The following ARHGEF37 variants were observed in gnomAD, a reference collection of about 807,000 sequenced individuals.
ARHGEF37 encodes Rho guanine nucleotide exchange factor (GEF) 37.
ARHGEF37 carries 55 observed loss-of-function variants against 71.1 expected under a neutral mutation model. That is an observed-to-expected ratio of 0.77 (90% CI 0.62 to 0.97). ARHGEF37 has a LOEUF of 0.97. Ranked by LOEUF, ARHGEF37 falls within the 50% of genes least tolerant of loss-of-function variation. The probability of loss-of-function intolerance (pLI) is 0.00; values close to 1 mark genes in which losing one functional copy is unlikely to be tolerated. For synonymous variants in ARHGEF37, 327 were observed against 350.6 expected (o/e 0.93, Z 0.75); for missense variants, 765 against 836.8 (o/e 0.91, Z 1.06).
At chr5:149,584,937 T>C (rs1209817194) in intron 1 of ARHGEF37, among the ~76,000 whole-genome samples, 4 of 152,232 alleles carry the variant, frequency 2.6e-5, no homozygotes, top group Non-Finnish European at 4.4e-5. Flanking sequence ...TATATGTTTC[T>C]ATATTGTTTA....
intron 4 of ARHGEF37, among the ~76,000 whole-genome samples, chr5:149,613,103 G>A (rs1463439358): frequency 3.9e-5 from 6 of 152,330 alleles, no homozygotes; most frequent in African/African-American, 1.2e-4. Flanking sequence ...TGATGGCTGA[G>A]GCAGCAGAGT....
chr5:149,589,622 C>G (rs1763340476), intron 1 of ARHGEF37, among the ~76,000 whole-genome samples: 1 of 152,166 alleles, frequency 6.6e-6, no homozygotes, highest in South Asian at 2.1e-4. Context: ...GCTTCAGCCC[C>G]CCGAGTAGCT....
At chr5:149,628,086 C>T (rs2113392579) in intron 11 of ARHGEF37, among the ~76,000 whole-genome samples, 1 of 152,310 alleles carries the variant, frequency 6.6e-6, no homozygotes, top group South Asian at 2.1e-4. Flanking sequence ...TGAAACAGCA[C>T]TTCCATGACT....
At chr5:149,624,582 T>C (rs150415980) in intron 10 of ARHGEF37, among the ~76,000 whole-genome samples, 2,444 of 152,308 alleles carry the variant, frequency 0.016, 72 homozygotes, top group African/African-American at 0.056. Context: ...GAGACCAGCC[T>C]GGCCAACATG....
At chr5:149,615,718 C>T (rs1752357811) in intron 4 of ARHGEF37, among the ~76,000 whole-genome samples, 1 of 151,764 alleles carries the variant, frequency 6.6e-6, no homozygotes, top group Non-Finnish European at 1.5e-5. Flanking sequence ...GGTGAAACCC[C>T]GTCTCTACTA....
chr5:149,602,439 T>TG (rs1169863887), intron 3 of ARHGEF37, among the ~76,000 whole-genome samples: 2 of 151,972 alleles, frequency 1.3e-5, no homozygotes, highest in Non-Finnish European at 2.9e-5. Flanking sequence ...CGAGATCAGT[T>TG]GGGGGCTTTA....
At chr5:149,554,022 G>T (rs1052235326) in intron 1 of ARHGEF37, among the ~76,000 whole-genome samples, 1 of 152,158 alleles carries the variant, frequency 6.6e-6, no homozygotes, top group Non-Finnish European at 1.5e-5. Context: ...ACAAAAATTA[G>T]CCGGGCGTGG....
intron 3 of ARHGEF37, 35 bp from the exon 4 acceptor site, chr5:149,609,513 C>T (rs1764012955): frequency 6.2e-7 from 1 of 1,610,418 alleles, no homozygotes; most frequent in Non-Finnish European, 8.5e-7. Flanking sequence ...CACAGACATG[C>T]CCTTGACGAC....
At chr5:149,602,059 CTTTT>C (rs3073461) in intron 3 of ARHGEF37, among the ~76,000 whole-genome samples, 4 of 143,232 alleles carry the variant, frequency 2.8e-5, no homozygotes, top group Non-Finnish European at 3.1e-5. Context: ...TCTTTTCTTT[CTTTT>C]TTTTTTTTTT....
intron 1 of ARHGEF37, among the ~76,000 whole-genome samples, chr5:149,564,511 G>T (rs1163003744): frequency 6.6e-6 from 1 of 152,058 alleles, no homozygotes; most frequent in East Asian, 1.9e-4. Flanking sequence ...TCTCTTTCAA[G>T]ATTAAGGGAA....
intron 3 of ARHGEF37, among the ~76,000 whole-genome samples, chr5:149,609,240 A>C (rs1764002394): frequency 6.6e-6 from 1 of 152,232 alleles, no homozygotes; most frequent in Non-Finnish European, 1.5e-5. Flanking sequence ...TTTGTGTACT[A>C]TAAAGCACTG....
intron 12 of ARHGEF37, among the ~76,000 whole-genome samples, chr5:149,629,282 C>A (rs1281244347): frequency 4.6e-5 from 7 of 152,134 alleles, no homozygotes; most frequent in Non-Finnish European, 8.8e-5. Context: ...ATGAGAGATA[C>A]AATGATGAGC....
intron 2 of ARHGEF37, among the ~76,000 whole-genome samples, chr5:149,598,328 T>TTCTTCTTCTTC (rs1763624791): frequency 1.0e-4 from 10 of 95,824 alleles, no homozygotes; most frequent in African/African-American, 2.2e-4. Context: ...TCTTCTTCTT[T>TTCTTCTTCTTC]CTTCCTCTTC....
chr5:149,580,145 C>T (rs909194052), upstream of ARHGEF37, among the ~76,000 whole-genome samples: 1 of 152,068 alleles, frequency 6.6e-6, no homozygotes, highest in African/African-American at 2.4e-5. Context: ...ACTGCAACCT[C>T]CGCCTCCAGG....
upstream of ARHGEF37, among the ~76,000 whole-genome samples, chr5:149,578,926 G>A (rs556825809): frequency 6.6e-6 from 1 of 152,288 alleles, no homozygotes; most frequent in Admixed American, 6.5e-5. Flanking sequence ...TAGTGGCAGT[G>A]CATTAGAAAT....
At chr5:149,609,799 T>A in intron 4 of ARHGEF37, 104 bp downstream of exon 4, 1 of 1,483,698 alleles carries the variant, frequency 6.7e-7, no homozygotes, top group South Asian at 1.3e-5. Context: ...GCTTCACGAG[T>A]GTTGCTCTGT....
intron 1 of ARHGEF37, among the ~76,000 whole-genome samples, chr5:149,582,546 C>G (rs561752195): frequency 5.3e-5 from 8 of 152,224 alleles, no homozygotes; most frequent in African/African-American, 1.4e-4. Context: ...AACATAAAGG[C>G]TAGTGCTTGA....
intron 1 of ARHGEF37, among the ~76,000 whole-genome samples, chr5:149,559,251 G>C (rs1762798481): frequency 6.6e-6 from 1 of 152,146 alleles, no homozygotes; most frequent in Admixed American, 6.6e-5. Context: ...AACCCAGGAG[G>C]CAGAGGTTGT....
chr5:149,620,291 G>A, intron 7 of ARHGEF37, 63 bp from the exon 8 acceptor site: 1 of 1,230,746 alleles, frequency 8.1e-7, no homozygotes, highest in African/African-American at 1.6e-5. Context: ...GGTGGAAGGG[G>A]ATTCCAGCGT....
Sources: gnomAD v4.1 joint callset for allele counts (sites outside exome capture counted in the v4.1 genomes callset) on GRCh38, gnomAD v4.1.1 for gene constraint, MANE v1.5 for transcripts, NCBI Gene and HGNC (gene_info 2026-07-23, HGNC 2026-07-21) for gene names.